The following PRCC variants were observed in gnomAD, a reference collection of about 807,000 sequenced individuals.
The protein encoded by PRCC is proline rich mitotic checkpoint control factor.
PRCC carries 10 observed loss-of-function variants against 44.0 expected under a neutral mutation model. That is an observed-to-expected ratio of 0.23 (90% CI 0.14 to 0.39). The LOEUF (loss-of-function observed/expected upper bound fraction) is 0.39, where lower values mean the gene tolerates loss of function less well. Ranked by LOEUF, PRCC falls within the 10% of genes least tolerant of loss-of-function variation. The pLI is 1.00. For missense variants in PRCC, 573 were observed against 624.7 expected, an observed-to-expected ratio of 0.92 and a Z score of 0.88; for synonymous variants, 278 against 259.5, an observed-to-expected ratio of 1.07 and a Z score of -0.69.
intron 3 of PRCC, chr1:156,791,055 C>T (rs749212268): frequency 7.2e-7 from 1 of 1,379,526 alleles, no homozygotes; most frequent in Non-Finnish European, 9.8e-7. Flanking sequence ...CTTCACCCTC[C>T]TCTTCCTCTA....
At chr1:156,792,416 A>T (rs920631029) in intron 4 of PRCC, among the ~76,000 whole-genome samples, 3 of 151,778 alleles carry the variant, frequency 2.0e-5, no homozygotes, top group Admixed American at 1.3e-4. Context: ...ATCTGCTCAT[A>T]TGGCCGTATC....
rs1013897049 is a variant in PRCC at position 156,779,297 on chromosome 1, G to C, written c.469-2985G>C. Among the ~76,000 whole-genome samples the C allele has an allele frequency of 4.0e-5, 6 of 148,608 alleles. No individual in the cohort carries two copies. In the South Asian group the frequency reaches 1.3e-3, roughly 32 times the overall value. On this transcript the variant is annotated intron_variant, in intron 1 of 6. Coordinates refer to ENST00000271526, the MANE Select transcript of PRCC (RefSeq NM_005973.5). ...AGCCTCCCTAGTAGTTAGGACTGCA[G>C]GTGTGCCACCACCATGCCCAGCTAA...
At chr1:156,797,068 A>G (rs535008500) in intron 5 of PRCC, 14 of 551,148 alleles carry the variant, frequency 2.5e-5, no homozygotes, top group Admixed American at 6.3e-5. Flanking sequence ...TATTTCAGGC[A>G]AGTGTTCTGA....
intron 1 of PRCC, among the ~76,000 whole-genome samples, chr1:156,778,556 G>A (rs1003898177): frequency 2.0e-5 from 3 of 151,528 alleles, no homozygotes; most frequent in Non-Finnish European, 4.4e-5. Flanking sequence ...CTAGAGAAGT[G>A]GAATTACTGG....
intron 2 of PRCC, among the ~76,000 whole-genome samples, chr1:156,783,065 C>T (rs10082023): frequency 0.29 from 43,580 of 151,894 alleles, 6,459 homozygotes; most frequent in African/African-American, 0.35. Flanking sequence ...CCACCACACC[C>T]GGCTAATTTT....
intron 1 of PRCC, among the ~76,000 whole-genome samples, chr1:156,772,422 G>T (rs926056011): frequency 6.6e-6 from 1 of 152,286 alleles, no homozygotes; most frequent in Admixed American, 6.5e-5. Context: ...TTTGATTTTT[G>T]TGGGGAATTA....
At chr1:156,793,000 T>C (rs1652545040) in intron 4 of PRCC, among the ~76,000 whole-genome samples, 1 of 152,198 alleles carries the variant, frequency 6.6e-6, no homozygotes, top group South Asian at 2.1e-4. Context: ...CAGGCCCTTA[T>C]TCAGGATATA....
intron 3 of PRCC, among the ~76,000 whole-genome samples, chr1:156,787,481 ATATATATATATATATATC>A (rs1456832127): frequency 1.7e-3 from 13 of 7,732 alleles, no homozygotes; most frequent in African/African-American, 2.3e-3. Context: ...ATATATATAT[ATATATATATATATATATC>A]TGTTTTTTTT....
intron 1 of PRCC, 34 bp downstream of exon 1, chr1:156,768,273 C>T: frequency 6.5e-7 from 1 of 1,532,884 alleles, no homozygotes; most frequent in Non-Finnish European, 8.8e-7. Context: ...CCAAACTGTC[C>T]ATCGGGTTTG....
chr1:156,779,895 T>TG (rs1558048683), intron 1 of PRCC, among the ~76,000 whole-genome samples: 2 of 150,140 alleles, frequency 1.3e-5, no homozygotes, highest in African/African-American at 4.9e-5. Context: ...ATGCCTGGTC[T>TG]ATTTTTTTTT....
In PRCC at chr1:156,800,754, C is replaced by A; in HGVS notation, c.*294C>A. On this transcript the variant is annotated 3_prime_UTR_variant, in exon 7 of 7. Transcript: ENST00000271526. ...GTGATAAAATGTTGAACCCTCCCCA[C>A]CACCACTTTTTTTTTTTTAAACCAG... is the stretch of plus-strand genomic sequence containing the variant. The A allele has an allele frequency of 6.1e-6, 2 of 328,236 alleles. No homozygotes were observed. The highest frequency in any genetic ancestry group is 8.9e-5 in the East Asian group (2 of 22,584). 20.3% of individuals were successfully genotyped at this position (328,236 alleles called of 1,614,324 possible).
intron 2 of PRCC, among the ~76,000 whole-genome samples, chr1:156,783,917 G>A (rs571043924): frequency 1.3e-5 from 2 of 151,930 alleles, no homozygotes; most frequent in African/African-American, 2.4e-5. Flanking sequence ...AAGATAACTG[G>A]CAAGGCTGAT....
rs558551142 is a variant in PRCC at position 156,771,449 on chromosome 1, T to G, written c.468+3210T>G. On this transcript the variant is annotated intron_variant, in intron 1 of 6. Transcript: ENST00000271526. ...GTGGCCTGGATGATGAACTAGGGGA[T>G]GGAGAGAACTGGAGCATCGAGGTAT... Among the ~76,000 whole-genome samples the G allele has an allele frequency of 1.3e-4, 20 of 152,130 alleles. No homozygotes were observed. In the East Asian group the frequency reaches 3.9e-3, roughly 29 times the overall value.
chr1:156,770,024 G>C (rs1651570371), intron 1 of PRCC, among the ~76,000 whole-genome samples: 1 of 152,006 alleles, frequency 6.6e-6, no homozygotes, highest in Admixed American at 6.5e-5. Context: ...ATTTAACCTG[G>C]AACAAGGAAA....
At position 156,775,172 on chromosome 1, in the gene PRCC, C is replaced by T. The variant is rs534847419; in HGVS notation, c.468+6933C>T. 5.3e-5 allele frequency among the ~76,000 whole-genome samples: 8 copies of T among 151,942 alleles called. No individual in the cohort carries two copies. In the South Asian group the frequency reaches 6.2e-4, roughly 12 times the overall value. On this transcript the variant is annotated intron_variant, in intron 1 of 6. Coordinates refer to ENST00000271526, the MANE Select transcript of PRCC (RefSeq NM_005973.5). ...CTGAGGCAGGAGAATGGTGTGAACCCGGGAGGTGGAGCTTGCAGTGAGCCG... is the reference window on the plus strand; with the variant it reads ...CTGAGGCAGGAGAATGGTGTGAACCTGGGAGGTGGAGCTTGCAGTGAGCCG...
At chr1:156,773,369 C>T (rs1040059719) in intron 1 of PRCC, among the ~76,000 whole-genome samples, 1 of 152,114 alleles carries the variant, frequency 6.6e-6, no homozygotes, top group African/African-American at 2.4e-5. Context: ...TCCGTTCTTG[C>T]TCAGCAGTCT....
At chr1:156,800,028 C>T (rs1652785340) in intron 6 of PRCC, among the ~76,000 whole-genome samples, 1 of 152,156 alleles carries the variant, frequency 6.6e-6, no homozygotes, top group Non-Finnish European at 1.5e-5. Context: ...AGCTGATTGT[C>T]TTCCTCTCTA....
At chr1:156,786,422 A>T (rs1008450997) in intron 2 of PRCC, among the ~76,000 whole-genome samples, 186 bp from the exon 3 acceptor site, 1 of 152,320 alleles carries the variant, frequency 6.6e-6, no homozygotes, top group South Asian at 2.1e-4. Context: ...GCCCGCAGAA[A>T]GGCCTGAAGT....
At chr1:156,770,149 G>T (rs1470507750) in intron 1 of PRCC, among the ~76,000 whole-genome samples, 1 of 152,316 alleles carries the variant, frequency 6.6e-6, no homozygotes, top group South Asian at 2.1e-4. Context: ...TGCCATTTGG[G>T]TTGGCTGAGG....
Sources: allele counts gnomAD v4.1 joint callset (sites outside exome capture counted in the v4.1 genomes callset), GRCh38; gene constraint gnomAD v4.1.1; transcripts MANE v1.5; gene names NCBI Gene and HGNC (gene_info 2026-07-23, HGNC 2026-07-21).